EPHA3: variants seen among roughly 807,000 people sequenced by gnomAD.
EPHA3 encodes ephrin type-A receptor 3.
In EPHA3, 42 loss-of-function variants were observed where a neutral mutation model predicts 107.1. The ratio of observed to expected loss-of-function variants is 0.39; its 90% confidence interval spans 0.31 to 0.51. The LOEUF (loss-of-function observed/expected upper bound fraction) is 0.51, where lower values mean the gene tolerates loss of function less well. Ranked by LOEUF, EPHA3 falls within the 20% of genes least tolerant of loss-of-function variation. EPHA3 has a pLI of 0.78. For synonymous variants in EPHA3, 461 were observed against 424.8 expected (o/e 1.09, Z -1.05); for missense variants, 1,183 against 1,211.2 (o/e 0.98, Z 0.35).
At chr3:89,446,324 T>C (rs1709875223) in intron 13 of EPHA3, among the ~76,000 whole-genome samples, 2 of 152,326 alleles carry the variant, frequency 1.3e-5, no homozygotes, top group South Asian at 4.1e-4. Flanking sequence ...AACATTATTA[T>C]GTCTGTATTT....
At chr3:89,175,861 C>A (rs1226485846) in intron 2 of EPHA3, among the ~76,000 whole-genome samples, 1 of 152,040 alleles carries the variant, frequency 6.6e-6, no homozygotes. Context: ...GCAAAAACAT[C>A]CTATTCTCCA....
chr3:89,345,522 T>A (rs1036078818), intron 5 of EPHA3, among the ~76,000 whole-genome samples: 5 of 150,884 alleles, frequency 3.3e-5, no homozygotes, highest in Non-Finnish European at 5.9e-5. Context: ...CACCCCCATC[T>A]CTCTTTCTAT....
At chr3:89,415,517 A>G (rs566157246) in intron 10 of EPHA3, among the ~76,000 whole-genome samples, 1 of 141,820 alleles carries the variant, frequency 7.1e-6, no homozygotes, top group South Asian at 2.1e-4. Context: ...AATTTCTGTC[A>G]GAAATTTTAC....
At chr3:89,255,369 T>G (rs1219035563) in intron 3 of EPHA3, among the ~76,000 whole-genome samples, 3 of 152,234 alleles carry the variant, frequency 2.0e-5, no homozygotes, top group Admixed American at 2.0e-4. Context: ...ATTTGGGACT[T>G]CCCTTAAATT....
intron 11 of EPHA3, among the ~76,000 whole-genome samples, chr3:89,420,830 C>A (rs1709339185): frequency 6.6e-6 from 1 of 151,366 alleles, no homozygotes; most frequent in Non-Finnish European, 1.5e-5. Context: ...CTTATGAAGC[C>A]ATTCTTCTAA....
At chr3:89,299,481 G>A (rs1380396402) in intron 3 of EPHA3, among the ~76,000 whole-genome samples, 1 of 151,390 alleles carries the variant, frequency 6.6e-6, no homozygotes, top group Non-Finnish European at 1.5e-5. Context: ...AAAGAACCCA[G>A]GAAAAAGTAA....
Position 89,285,019 on chromosome 3 carries a change from A to C in EPHA3, c.815-55897A>C, listed in dbSNP as rs557791529. On this transcript the variant is annotated intron_variant, in intron 3 of 16. Transcript: ENST00000336596. ...TGGGAGCCTGTAATCCTGGCTACTC[A>C]GGGGCTGAGGCACGGGAATCACTAA... is the stretch of plus-strand genomic sequence containing the variant. Among the ~76,000 whole-genome samples the C allele has an allele frequency of 1.3e-3, 193 of 152,156 alleles. 1 individual carries two copies. The highest frequency in any genetic ancestry group is 4.3e-3 in the African/African-American group (177 of 41,534).
At chr3:89,470,665 G>A (rs1218496125) in intron 15 of EPHA3, among the ~76,000 whole-genome samples, 2 of 152,118 alleles carry the variant, frequency 1.3e-5, no homozygotes, top group Non-Finnish European at 2.9e-5. Flanking sequence ...TATGCCACAT[G>A]ATGGAATCAT....
intron 2 of EPHA3, among the ~76,000 whole-genome samples, chr3:89,169,967 G>C (rs1305831932): frequency 3.3e-5 from 5 of 152,062 alleles, no homozygotes; most frequent in African/African-American, 1.2e-4. Context: ...TTATAGCCTC[G>C]GCGGGGCGCG....
At chr3:89,446,933 T>C (rs1195931436) in intron 13 of EPHA3, among the ~76,000 whole-genome samples, 2 of 152,148 alleles carry the variant, frequency 1.3e-5, no homozygotes, top group Admixed American at 1.3e-4. Flanking sequence ...TTTAAGATAC[T>C]GTACCTCCCT....
intron 2 of EPHA3, among the ~76,000 whole-genome samples, chr3:89,177,573 A>C (rs993263099): frequency 6.6e-6 from 1 of 152,162 alleles, no homozygotes; most frequent in Non-Finnish European, 1.5e-5. Flanking sequence ...ATTTTTTAAA[A>C]ATTTTTGAAA....
intron 6 of EPHA3, among the ~76,000 whole-genome samples, chr3:89,397,617 C>T (rs1389294063): frequency 7.4e-6 from 1 of 135,922 alleles, no homozygotes; most frequent in Non-Finnish European, 1.5e-5. Context: ...GAGTTTCACT[C>T]TTGTTGCCCA....
intron 1 of EPHA3, among the ~76,000 whole-genome samples, chr3:89,110,175 CTG>C (rs1230107836): frequency 6.6e-6 from 1 of 151,810 alleles, no homozygotes; most frequent in East Asian, 1.9e-4. Context: ...AAATACTAGA[CTG>C]TATTTAAAAT....
intron 3 of EPHA3, among the ~76,000 whole-genome samples, chr3:89,310,893 T>C (rs1706749350): frequency 6.6e-6 from 1 of 152,028 alleles, no homozygotes; most frequent in African/African-American, 2.4e-5. Flanking sequence ...TCTTAGCCTG[T>C]ATTTTTTTGA....
intron 5 of EPHA3, among the ~76,000 whole-genome samples, chr3:89,349,912 A>C (rs1483344130): frequency 6.8e-6 from 1 of 147,010 alleles, no homozygotes; most frequent in Non-Finnish European, 1.5e-5. Flanking sequence ...CTGGGTTGAA[A>C]ATTCTTTTCT....
chr3:89,291,159 A>G (rs1212213392), intron 3 of EPHA3, among the ~76,000 whole-genome samples: 1 of 152,154 alleles, frequency 6.6e-6, no homozygotes, highest in Non-Finnish European at 1.5e-5. Context: ...TGTGACCTTG[A>G]GTAAGTCACT....
At chr3:89,335,821 G>C (rs546168354) in intron 3 of EPHA3, among the ~76,000 whole-genome samples, 1 of 152,080 alleles carries the variant, frequency 6.6e-6, no homozygotes, top group Non-Finnish European at 1.5e-5. Context: ...GCTATCCTGG[G>C]GTTAAGATCC....
intron 3 of EPHA3, among the ~76,000 whole-genome samples, chr3:89,251,036 G>A (rs1472001345): frequency 6.6e-6 from 1 of 152,120 alleles, no homozygotes; most frequent in African/African-American, 2.4e-5. Context: ...ATTTCTCTGA[G>A]ACTATGAAAT....
chr3:89,266,592 A>G (rs542597002), intron 3 of EPHA3, among the ~76,000 whole-genome samples: 20 of 152,054 alleles, frequency 1.3e-4, no homozygotes, highest in African/African-American at 4.6e-4. Context: ...TTTTTCTCCA[A>G]CCCTAAGAAT....
Sources: gnomAD v4.1 joint callset for allele counts (sites outside exome capture counted in the v4.1 genomes callset) on GRCh38, gnomAD v4.1.1 for gene constraint, MANE v1.5 for transcripts, NCBI Gene and HGNC (gene_info 2026-07-23, HGNC 2026-07-21) for gene names.